The following USH2A variants were observed in gnomAD, a reference collection of about 807,000 sequenced individuals.
The protein encoded by USH2A is usherin, also known as Usher syndrome 2A (autosomal recessive, mild).
In USH2A, 443 loss-of-function variants were observed where a neutral mutation model predicts 538.9. The ratio of observed to expected loss-of-function variants is 0.82; its 90% CI spans 0.76 to 0.89. The LOEUF is 0.89. USH2A is among the 40% of genes least tolerant of loss of function. The probability of loss-of-function intolerance (pLI) is 0.00; values close to 1 mark genes in which losing one functional copy is unlikely to be tolerated. For missense variants in USH2A, 6,633 were observed against 6,324.8 expected (o/e 1.05, Z -1.65); for synonymous variants, 2,413 against 2,273.5 (o/e 1.06, Z -1.75).
Position 215,685,558 on chromosome 1 carries a change from A to G in USH2A, c.12067-5182T>C, listed in dbSNP as rs374530200. Among the ~76,000 whole-genome samples the G allele has an allele frequency of 5.0e-3, 768 of 152,150 alleles. 6 individuals are homozygous for G. Among genetic ancestry groups the G allele is most frequent in the African/African-American group, 0.018 (728 of 41,534 alleles). On this transcript the variant is annotated intron_variant, in intron 61 of 71. Transcript: ENST00000307340. ...TTTTAAGTAGAGACGGGGTTTCACC[A>G]TCTTAGCCAGGTTGGTCTTGAACTT... is the stretch of plus-strand genomic sequence containing the variant.
At position 215,786,746 on chromosome 1, in the gene USH2A, C is replaced by T. The variant is rs777618025; in HGVS notation, c.10311G>A (p.Lys3437=). The change falls in exon 52 of 72, where the codon AAG becomes AAA. Residue 3437 remains lysine (K), a synonymous_variant. Transcript: ENST00000307340. ...ATGAACACATTTCTTCAATTGATGCCTTCCCTGTGGAATTGTGAGACCCTC... is the reference window on the plus strand; with the variant it reads ...ATGAACACATTTCTTCAATTGATGCTTTCCCTGTGGAATTGTGAGACCCTC... ...VIRGSHNSTG[K]ASIEEMCSSA... is the part of the protein sequence containing the mutation. 2 of 1,613,858 alleles carry T rather than the reference C, an allele frequency of 1.2e-6. No individual in the cohort carries two copies. Among genetic ancestry groups the T allele is most frequent in the African/African-American group, 2.7e-5 (2 of 74,880 alleles).
chr1:216,191,249 T>C (rs1012614087), intron 19 of USH2A, among the ~76,000 whole-genome samples: 1 of 152,050 alleles, frequency 6.6e-6, no homozygotes, highest in Admixed American at 6.6e-5. Context: ...TACTGATACA[T>C]AGTCATATAA....
At chr1:216,042,978 C>A (rs1157633374) in intron 32 of USH2A, among the ~76,000 whole-genome samples, 1 of 152,078 alleles carries the variant, frequency 6.6e-6, no homozygotes, top group African/African-American at 2.4e-5. Context: ...AGCTTGCCAA[C>A]ATCTTGGTCT....
chr1:216,239,998 C>T (rs2035903530), intron 13 of USH2A, among the ~76,000 whole-genome samples: 1 of 110,742 alleles, frequency 9.0e-6, no homozygotes. Flanking sequence ...CTGAAATCCC[C>T]AGAGATGAAA....
At position 215,934,729 on chromosome 1, in the gene USH2A, C is replaced by G; in HGVS notation, c.7187G>C (p.Trp2396Ser). Residue 2396 changes from tryptophan to serine, a missense_variant, in exon 38 of 72, where the codon TGG becomes TCG. By Grantham distance (177) the Trp-to-Ser change is radical (BLOSUM62 -3). Coordinates refer to ENST00000307340, the MANE Select transcript of USH2A (RefSeq NM_206933.4). Reference protein sequence around the residue: ...VMYSGEETNLWVLIDGLVPFT... With the variant: ...VMYSGEETNLSVLIDGLVPFT... ...AGGAACCAGCCCATCGATGAGCACC[C>G]AAAGGTTTGTCTCTTCTCCGCTGTA... is the stretch of plus-strand genomic sequence containing the variant. The G allele has an allele frequency of 6.2e-7, 1 of 1,612,788 alleles. No homozygotes were observed. Among genetic ancestry groups the G allele is most frequent in the Non-Finnish European group, 8.5e-7 (1 of 1,179,154 alleles).
intron 47 of USH2A, among the ~76,000 whole-genome samples, chr1:215,829,361 T>C (rs1663248670): frequency 6.6e-6 from 1 of 152,202 alleles, no homozygotes; most frequent in South Asian, 2.1e-4. Flanking sequence ...GATGAGTTGG[T>C]ACACTGCACG....
intron 30 of USH2A, among the ~76,000 whole-genome samples, chr1:216,065,873 G>A (rs1332084054): frequency 2.6e-5 from 4 of 151,478 alleles, no homozygotes; most frequent in Non-Finnish European, 5.9e-5. Context: ...CTCCAACCTG[G>A]GTGACAGAGT....
At chr1:216,143,390 T>C (rs2033637099) in intron 21 of USH2A, among the ~76,000 whole-genome samples, 1 of 152,138 alleles carries the variant, frequency 6.6e-6, no homozygotes, top group Admixed American at 6.5e-5. Flanking sequence ...TTAGTCACAG[T>C]ACTTAGGGCA....
At chr1:215,833,438 A>C (rs1190509064) in intron 47 of USH2A, among the ~76,000 whole-genome samples, 3 of 151,774 alleles carry the variant, frequency 2.0e-5, no homozygotes, top group African/African-American at 4.9e-5. Flanking sequence ...AAAAATATTC[A>C]ATAAAGAAAA....
chr1:216,207,087 A>G (rs889019998), intron 16 of USH2A, among the ~76,000 whole-genome samples, 186 bp downstream of exon 16: 2 of 152,124 alleles, frequency 1.3e-5, no homozygotes, highest in Non-Finnish European at 2.9e-5. Flanking sequence ...TATTTATCAG[A>G]TAATAAGCAT....
At chr1:215,693,909 C>T (rs1426354886) in intron 61 of USH2A, among the ~76,000 whole-genome samples, 2 of 152,180 alleles carry the variant, frequency 1.3e-5, no homozygotes, top group Admixed American at 1.3e-4. Flanking sequence ...ATACTATATC[C>T]CACTTTAATT....
At chr1:215,921,605 G>A (rs1451257260) in intron 38 of USH2A, among the ~76,000 whole-genome samples, 3 of 152,050 alleles carry the variant, frequency 2.0e-5, no homozygotes, top group Non-Finnish European at 4.4e-5. Flanking sequence ...GCTGCCAAGA[G>A]AGCATATGAA....
chr1:215,799,911 G>A (rs527404622), intron 49 of USH2A, among the ~76,000 whole-genome samples: 10 of 152,096 alleles, frequency 6.6e-5, no homozygotes, highest in African/African-American at 2.2e-4. Context: ...GCTTGAACCC[G>A]GGAGGCGGGA....
chr1:215,761,252 G>A (rs1429047162), intron 56 of USH2A, among the ~76,000 whole-genome samples: 1 of 152,120 alleles, frequency 6.6e-6, no homozygotes, highest in East Asian at 1.9e-4. Flanking sequence ...TGTTCTCATA[G>A]TTCAGTTACT....
intron 35 of USH2A, among the ~76,000 whole-genome samples, chr1:215,987,265 A>G (rs983083977): frequency 4.6e-5 from 7 of 151,594 alleles, no homozygotes; most frequent in African/African-American, 9.7e-5. Flanking sequence ...CAGAACTTTA[A>G]TTACGCAATT....
chr1:216,181,169 T>C (rs559546326), intron 20 of USH2A, among the ~76,000 whole-genome samples: 1 of 152,284 alleles, frequency 6.6e-6, no homozygotes, highest in East Asian at 1.9e-4. Flanking sequence ...GGCTCTAGAT[T>C]GGCTCTTTAA....
intron 50 of USH2A, among the ~76,000 whole-genome samples, 199 bp downstream of exon 50, chr1:215,798,708 T>C (rs1662210668): frequency 6.6e-6 from 1 of 152,310 alleles, no homozygotes. Context: ...AATTGATGCG[T>C]TTTTATGAAA....
intron 16 of USH2A, among the ~76,000 whole-genome samples, chr1:216,206,423 T>C (rs1482387710): frequency 6.6e-6 from 1 of 152,122 alleles, no homozygotes; most frequent in African/African-American, 2.4e-5. Context: ...TAGATTATCA[T>C]AAGGAGCGTG....
At chr1:216,090,403 T>C (rs1427523521) in intron 22 of USH2A, among the ~76,000 whole-genome samples, 1 of 146,382 alleles carries the variant, frequency 6.8e-6, no homozygotes, top group African/African-American at 2.5e-5. Context: ...ACAACATGTA[T>C]GACATACAGA....
Sources: gnomAD v4.1 joint callset for allele counts (sites outside exome capture counted in the v4.1 genomes callset) on GRCh38, gnomAD v4.1.1 for gene constraint, MANE v1.5 for transcripts, NCBI Gene and HGNC (gene_info 2026-07-23, HGNC 2026-07-21) for gene names.